Variants in DAG1 observed in about 807,000 individuals in gnomAD.
DAG1 encodes the protein dystroglycan 1.
A neutral mutation model predicts 46.1 loss-of-function variants in DAG1; 8 were observed. The observed-to-expected ratio is 0.17, with a 90% CI of 0.10 to 0.31. The LOEUF (loss-of-function observed/expected upper bound fraction) is 0.31. Ranked by LOEUF, DAG1 falls within the 10% of genes least tolerant of loss-of-function variation. The probability of loss-of-function intolerance (pLI) is 1.00; values close to 1 mark genes in which losing one functional copy is unlikely to be tolerated. For synonymous variants in DAG1, 495 were observed against 481.8 expected, an observed-to-expected ratio of 1.03 and a Z score of -0.36; for missense variants, 1,003 against 1,189.9, an observed-to-expected ratio of 0.84 and a Z score of 2.31.
chr3:49,507,653 C>G (rs1292854571), intron 1 of DAG1, among the ~76,000 whole-genome samples: 1 of 119,818 alleles, frequency 8.3e-6, no homozygotes, highest in Non-Finnish European at 1.8e-5. Context: ...TTTTCTTTTT[C>G]TTTTCCTTTC....
intron 1 of DAG1, among the ~76,000 whole-genome samples, chr3:49,489,804 T>A (rs566173573): frequency 6.6e-6 from 1 of 152,136 alleles, no homozygotes; most frequent in African/African-American, 2.4e-5. Context: ...TTGGGAGGGC[T>A]TGGGACCTGG....
At position 49,510,833 on chromosome 3, in the gene DAG1, TA is replaced by T. The variant is rs1400713056; in HGVS notation, c.285+17del. On this transcript the variant is annotated intron_variant, in intron 2 of 2. Coordinates refer to ENST00000308775, the MANE Select transcript of DAG1 (RefSeq NM_004393.6). ...GATATCATCAAGGTGAGACTGGATATAAAGCATAAATGAGGAAGAGTTCTCA... is the reference window on the plus strand; with the variant it reads ...GATATCATCAAGGTGAGACTGGATATAAGCATAAATGAGGAAGAGTTCTCA... 6.2e-7 allele frequency: 1 copy of T among 1,613,962 alleles called. No individual in the cohort carries two copies. Among genetic ancestry groups the T allele is most frequent in the South Asian group, 1.1e-5 (1 of 91,000 alleles).
intron 2 of DAG1, among the ~76,000 whole-genome samples, chr3:49,529,061 G>A (rs974744672): frequency 6.6e-5 from 10 of 152,096 alleles, no homozygotes; most frequent in African/African-American, 1.9e-4. Context: ...GTGTTGGCCA[G>A]GCTGGTCTCG....
In DAG1 at chr3:49,531,019, G is replaced by A; in HGVS notation, c.508G>A (p.Ala170Thr). 1 of 1,614,222 alleles carries A rather than the reference G, an allele frequency of 6.2e-7. No homozygotes were observed. Among genetic ancestry groups the A allele is most frequent in the Non-Finnish European group, 8.5e-7 (1 of 1,180,046 alleles). The change falls in exon 3 of 3, where the codon GCC becomes ACC. Residue 170 changes from alanine (A) to threonine (T), a missense_variant. Physicochemically the swap from Ala to Thr is moderately conservative, Grantham distance 58. Around this residue, in one of 3 missense-constraint regions of DAG1, gnomAD observed 196 missense variants for 239.1 expected, o/e 0.82. Transcript: ENST00000308775. This position sits in a 1 kb window ranked among gnomAD's most constrained non-coding sequence, Gnocchi z 7.0. The part of the protein sequence containing the change: ...DHSELQSVRT[A>T]SPDPGEVVSS... ...CAGTGAGCTGCAGTCGGTGAGGACA[G>A]CCTCCCCAGACCCTGGTGAGGTGGT...
At position 49,531,711 on chromosome 3, in the gene DAG1, G is replaced by C. The variant is rs1462215737; in HGVS notation, c.1200G>C (p.Gln400His). ...AAGCTGGCACCACAGTTCCTGGCCA[G>C]ATTCGCCCAACGATGACCATTCCTG... ...VSEAGTTVPG[Q>H]IRPTMTIPGY... The change falls in exon 3 of 3, where the codon CAG becomes CAC. Residue 400 changes from glutamine to histidine, a missense_variant. Physicochemically the swap from Gln to His is conservative, Grantham distance 24. Transcript: ENST00000308775. The surrounding 1 kb of genome is among the most constrained non-coding windows in gnomAD (Gnocchi z 7.0). The C allele has an allele frequency of 6.2e-7, 1 of 1,613,944 alleles. No individual in the cohort carries two copies. The highest frequency in any genetic ancestry group is 1.7e-5 in the Admixed American group (1 of 59,990).
intron 1 of DAG1, among the ~76,000 whole-genome samples, chr3:49,500,279 G>A (rs34363169): frequency 0.29 from 43,368 of 151,982 alleles, 6,711 homozygotes; most frequent in Middle Eastern, 0.31. Context: ...CAAAGTGCTG[G>A]TATTACAGGC....
intron 1 of DAG1, among the ~76,000 whole-genome samples, chr3:49,478,891 G>GCAA (rs2049780800): frequency 7.8e-6 from 1 of 128,212 alleles, no homozygotes; most frequent in African/African-American, 3.0e-5. Flanking sequence ...TCGGCTCATT[G>GCAA]CAACCTCTGC....
chr3:49,475,693 T>C (rs1017068573), intron 1 of DAG1, among the ~76,000 whole-genome samples: 4 of 129,042 alleles, frequency 3.1e-5, no homozygotes, highest in Middle Eastern at 3.7e-3. Flanking sequence ...GCTAAGCATT[T>C]TCTTTTTCTT....
chr3:49,507,746 G>A (rs1397994866), intron 1 of DAG1, among the ~76,000 whole-genome samples: 1 of 149,918 alleles, frequency 6.7e-6, no homozygotes, highest in African/African-American at 2.5e-5. Context: ...GCTTATTACA[G>A]CCTTGAACTG....
chr3:49,533,351 C>T lies in DAG1; in HGVS notation c.*152C>T. 2 of 1,155,330 alleles carry T rather than the reference C, an allele frequency of 1.7e-6. No homozygotes were observed. The highest frequency in any genetic ancestry group is 2.0e-5 in the Admixed American group (1 of 50,544). 71.6% of individuals were successfully genotyped at this position (1,155,330 alleles called of 1,614,324 possible). A position where few individuals can be genotyped will look rare whatever the true frequency, so the allele number is the denominator to read the frequency against. ...ACACAGGGGCCTGGACAAGCCCGCCCTCTCTGGTCCTCCCAAACCCCAAAG... is the reference window on the plus strand; with the variant it reads ...ACACAGGGGCCTGGACAAGCCCGCCTTCTCTGGTCCTCCCAAACCCCAAAG... On this transcript the variant is annotated 3_prime_UTR_variant, in exon 3 of 3. Transcript: ENST00000308775.
chr3:49,511,465 A>C (rs892344561), intron 2 of DAG1, among the ~76,000 whole-genome samples: 1 of 152,188 alleles, frequency 6.6e-6, no homozygotes, highest in African/African-American at 2.4e-5. Context: ...TTTCCCCTAG[A>C]TCTTAAATGA....
intron 1 of DAG1, among the ~76,000 whole-genome samples, chr3:49,502,980 T>C (rs987060910): frequency 2.6e-5 from 4 of 152,226 alleles, no homozygotes; most frequent in Non-Finnish European, 4.4e-5. Flanking sequence ...GTTTTAGTTT[T>C]TTTAATTGTC....
At position 49,510,813 on chromosome 3, in the gene DAG1, C is replaced by T. The variant is rs1201927580; in HGVS notation, c.279C>T (p.Ile93=). Residue 93 remains isoleucine (I), a synonymous_variant, in exon 2 of 3, where the codon ATC becomes ATT. Coordinates refer to ENST00000308775, the MANE Select transcript of DAG1 (RefSeq NM_004393.6). ...ATTTGATTGCCTCCAGTGGAGATAT[C>T]ATCAAGGTGAGACTGGATATAAAGC... ...PTDLIASSGD[I]IKVSAAGKEA... 1 of 1,614,142 alleles carries T rather than the reference C, an allele frequency of 6.2e-7. No homozygotes were observed. Among genetic ancestry groups the T allele is most frequent in the Admixed American group, 1.7e-5 (1 of 60,006 alleles).
At chr3:49,515,133 C>T (rs1414141267) in intron 2 of DAG1, among the ~76,000 whole-genome samples, 1 of 151,956 alleles carries the variant, frequency 6.6e-6, no homozygotes, top group Non-Finnish European at 1.5e-5. Context: ...CTTGCCCAGC[C>T]CACGTTTTGT....
chr3:49,510,624 C>T lies in DAG1; in HGVS notation c.90C>T (p.His30=). 6.2e-7 allele frequency: 1 copy of T among 1,614,182 alleles called. No individual in the cohort carries two copies. Residue 30 remains histidine (H), a synonymous_variant, in exon 2 of 3, where the codon CAC becomes CAT. Coordinates refer to ENST00000308775, the MANE Select transcript of DAG1 (RefSeq NM_004393.6). The stretch of plus-strand genomic sequence containing the variant: ...TCTCTGTGGTTATGGCTCAGTCCCA[C>T]TGGCCCAGTGAACCCTCAGAGGCTG... ...LLLSVVMAQS[H]WPSEPSEAVR... is the part of the protein sequence containing the mutation.
At chr3:49,500,657 A>G (rs946125008) in intron 1 of DAG1, among the ~76,000 whole-genome samples, 3 of 152,174 alleles carry the variant, frequency 2.0e-5, no homozygotes, top group Non-Finnish European at 4.4e-5. Context: ...ACTCTCTTTT[A>G]GAGGATATAA....
chr3:49,500,395 C>T (rs1044443666), intron 1 of DAG1, among the ~76,000 whole-genome samples: 23 of 152,236 alleles, frequency 1.5e-4, no homozygotes, highest in African/African-American at 2.9e-4. Flanking sequence ...TTGGCAGATG[C>T]GAGCCACTTA....
intron 2 of DAG1, among the ~76,000 whole-genome samples, chr3:49,530,059 G>A (rs958551200): frequency 1.2e-4 from 19 of 152,170 alleles, no homozygotes; most frequent in Non-Finnish European, 8.8e-5. Context: ...CTTTTAGAGA[G>A]ACCAGAGCTC....
At chr3:49,513,373 A>G (rs2050812723) in intron 2 of DAG1, among the ~76,000 whole-genome samples, 1 of 152,112 alleles carries the variant, frequency 6.6e-6, no homozygotes, top group Admixed American at 6.5e-5. Context: ...CCAATCTCTT[A>G]AGGCCCAGAA....
Sources: gnomAD v4.1 joint callset for allele counts (sites outside exome capture counted in the v4.1 genomes callset) on GRCh38, gnomAD v4.1.1 for gene constraint, gnomAD v4.1.1 regional missense constraint, Gnocchi (gnomAD v3.1) non-coding constraint, MANE v1.5 for transcripts, NCBI Gene and HGNC (gene_info 2026-07-23, HGNC 2026-07-21) for gene names.